The following SMOX variants were observed in gnomAD, a reference collection of about 807,000 sequenced individuals.
SMOX encodes the protein spermine oxidase, also known as flavin containing amine oxidase.
A neutral mutation model predicts 51.0 loss-of-function variants in SMOX; 22 were observed. The observed-to-expected ratio is 0.43, with a 90% CI of 0.31 to 0.62. The LOEUF (loss-of-function observed/expected upper bound fraction) is 0.62, where lower values mean the gene tolerates loss of function less well. Ranked by LOEUF, SMOX falls within the 20% of genes least tolerant of loss-of-function variation. SMOX has a pLI of 0.10. For missense variants in SMOX, 566 were observed against 777.7 expected (o/e 0.73, Z 3.24); for synonymous variants, 282 against 307.8 (o/e 0.92, Z 0.88).
At chr20:4,151,554 T>C (rs1268773490) in intron 1 of SMOX, among the ~76,000 whole-genome samples, 1 of 152,148 alleles carries the variant, frequency 6.6e-6, no homozygotes, top group Non-Finnish European at 1.5e-5. Flanking sequence ...TTCTGCCCTT[T>C]GGACAACCTA....
In SMOX at chr20:4,172,548, C is replaced by G. The variant is rs1012111059; in HGVS notation, c.-26-2482C>G. Among the ~76,000 whole-genome samples, 3 of 152,036 alleles carry G rather than the reference C, an allele frequency of 2.0e-5. No homozygotes were observed. Among genetic ancestry groups the G allele is most frequent in the Non-Finnish European group, 4.4e-5 (3 of 67,992 alleles). On this transcript the variant is annotated intron_variant, in intron 1 of 6. Transcript: ENST00000305958. The surrounding 1 kb of genome is among the most constrained non-coding windows in gnomAD (Gnocchi z 7.7). The stretch of plus-strand genomic sequence containing the variant: ...GGCGAGGGAGGAGAGGGACGGGAGT[C>G]AGAGGACAGAGGCGGGGAGGAGGAA...
In SMOX at chr20:4,182,318, C is replaced by G. The variant is rs766443432; in HGVS notation, c.839C>G (p.Pro280Arg). 1 of 1,598,972 alleles carries G rather than the reference C, an allele frequency of 6.3e-7. No individual in the cohort carries two copies. The highest frequency in any genetic ancestry group is 1.1e-5 in the South Asian group (1 of 89,920). The change falls in exon 5 of 7, where the codon CCC (proline) becomes CGC (arginine). Residue 280 changes from proline to arginine, a missense_variant. This residue lies in a region of SMOX where 347 missense variants were observed against 481.8 expected (regional missense o/e 0.72). Transcript: ENST00000305958. This position sits in a 1 kb window ranked among gnomAD's most constrained non-coding sequence, Gnocchi z 8.4. ...SARPRGPEIEPRGEGDHNHDT... is the reference protein window; with the variant it reads ...SARPRGPEIERRGEGDHNHDT... ...CGCCCCAGAGGCCCTGAGATTGAGC[C>G]CCGGGGTGAGGGCGACCACAATCAC... is the stretch of plus-strand genomic sequence containing the variant.
chr20:4,158,130 G>C (rs535923924), intron 1 of SMOX, among the ~76,000 whole-genome samples: 2 of 150,894 alleles, frequency 1.3e-5, no homozygotes, highest in Non-Finnish European at 3.0e-5. Context: ...TCGATCTCCT[G>C]ACCTCGTGAT....
chr20:4,171,189 C>G (rs1471031941), intron 1 of SMOX, among the ~76,000 whole-genome samples: 1 of 152,190 alleles, frequency 6.6e-6, no homozygotes. Context: ...TTCTTTCTTT[C>G]TTTCCCCAAG....
In SMOX at chr20:4,177,890, C is replaced by A. The variant is rs530390455; in HGVS notation, c.435+313C>A. ...ATTTTGTCTTTTTTTCCTTTCTAGT[C>A]ATTAGACCAGCATTTATCCAATAGA... On this transcript the variant is annotated intron_variant, in intron 3 of 6. Transcript: ENST00000305958. The surrounding 1 kb of genome is among the most constrained non-coding windows in gnomAD (Gnocchi z 4.3). Among the ~76,000 whole-genome samples, 1 of 152,136 alleles carries A rather than the reference C, an allele frequency of 6.6e-6. No individual in the cohort carries two copies. Among genetic ancestry groups the A allele is most frequent in the East Asian group, 1.9e-4 (1 of 5,182 alleles).
chr20:4,154,429 G>A (rs1028690348), intron 1 of SMOX, among the ~76,000 whole-genome samples: 1 of 151,212 alleles, frequency 6.6e-6, no homozygotes, highest in Admixed American at 6.6e-5. Context: ...AAGCTGGAGT[G>A]CAGTGACAGG....
chr20:4,163,901 A>C (rs1424093728), intron 1 of SMOX, among the ~76,000 whole-genome samples: 1 of 152,178 alleles, frequency 6.6e-6, no homozygotes, highest in Non-Finnish European at 1.5e-5. Context: ...GTAACATTCC[A>C]TCATTTCTGC....
In SMOX at chr20:4,166,873, T is replaced by C. The variant is rs1312600938; in HGVS notation, c.-26-8157T>C. On this transcript the variant is annotated intron_variant, in intron 1 of 6. Coordinates refer to ENST00000305958, the MANE Select transcript of SMOX (RefSeq NM_175839.3). This position sits in a 1 kb window ranked among gnomAD's most constrained non-coding sequence, Gnocchi z 4.2. ...TCATCTGAAATTCGCTTACAAAGCCTTTTTAAAGTTGTGCTTTTAGGGACT... is the reference window on the plus strand; with the variant it reads ...TCATCTGAAATTCGCTTACAAAGCCCTTTTAAAGTTGTGCTTTTAGGGACT... Among the ~76,000 whole-genome samples, 2 of 152,234 alleles carry C rather than the reference T, an allele frequency of 1.3e-5. No homozygotes were observed. Among genetic ancestry groups the C allele is most frequent in the African/African-American group, 4.8e-5 (2 of 41,466 alleles).
intron 3 of SMOX, among the ~76,000 whole-genome samples, chr20:4,180,913 C>G: frequency 1.3e-5 from 2 of 152,230 alleles, no homozygotes; most frequent in Middle Eastern, 6.8e-3. Context: ...GGGACTGTTT[C>G]GCCCACATTA....
chr20:4,172,514 C>T lies in SMOX; in HGVS notation c.-26-2516C>T, dbSNP rs1340845336. ...CTCTCGGGAGGGAGGCAGGACCTAG[C>T]ATCTCTGGGGCGAGGGAGGAGAGGG... On this transcript the variant is annotated intron_variant, in intron 1 of 6. Coordinates refer to ENST00000305958, the MANE Select transcript of SMOX (RefSeq NM_175839.3). The surrounding 1 kb of genome is among the most constrained non-coding windows in gnomAD (Gnocchi z 7.7). Among the ~76,000 whole-genome samples, 2 of 152,022 alleles carry T rather than the reference C, an allele frequency of 1.3e-5. No homozygotes were observed. Among genetic ancestry groups the T allele is most frequent in the Admixed American group, 1.3e-4 (2 of 15,276 alleles).
intron 1 of SMOX, among the ~76,000 whole-genome samples, chr20:4,155,780 C>T (rs6037776): frequency 0.13 from 20,142 of 151,914 alleles, 2,392 homozygotes; most frequent in East Asian, 0.33. Context: ...GGTTGAGTCC[C>T]CCCAGTTGCT....
At chr20:4,161,324 T>C (rs755653640) in intron 1 of SMOX, among the ~76,000 whole-genome samples, 6 of 152,156 alleles carry the variant, frequency 3.9e-5, no homozygotes, top group Non-Finnish European at 8.8e-5. Flanking sequence ...GGCCCTGTGA[T>C]GGCAGGCGGC....
At chr20:4,150,839 TTTTTTC>T (rs1484514166) in intron 1 of SMOX, among the ~76,000 whole-genome samples, 37 of 129,740 alleles carry the variant, frequency 2.9e-4, no homozygotes, top group East Asian at 1.4e-3. Flanking sequence ...TTTTTTTTTT[TTTTTTC>T]TTTGAGACGG....
chr20:4,175,140 G>C lies in SMOX; in HGVS notation c.85G>C (p.Val29Leu). The C allele has an allele frequency of 6.2e-7, 1 of 1,614,254 alleles. No homozygotes were observed. The highest frequency in any genetic ancestry group is 8.5e-7 in the Non-Finnish European group (1 of 1,180,054). Residue 29 changes from valine (V) to leucine (L), a missense_variant, in exon 2 of 7, where the codon GTG becomes CTG. Coordinates refer to ENST00000305958, the MANE Select transcript of SMOX (RefSeq NM_175839.3). Reference sequence around the variant, plus strand: ...GAGAAGGGGACAGCCTCGTGTGGTGGTGATCGGCGCCGGCTTGGCTGGCCT... The same window carrying C: ...GAGAAGGGGACAGCCTCGTGTGGTGCTGATCGGCGCCGGCTTGGCTGGCCT... ...LRRRGQPRVV[V>L]IGAGLAGLAA...
rs1277873557 is a variant in SMOX, at chr20:4,166,892, A to G, written c.-26-8138A>G. On this transcript the variant is annotated intron_variant, in intron 1 of 6. Coordinates refer to ENST00000305958, the MANE Select transcript of SMOX (RefSeq NM_175839.3). This position sits in a 1 kb window ranked among gnomAD's most constrained non-coding sequence, Gnocchi z 4.2. Reference sequence around the variant, plus strand: ...AAAGCCTTTTTAAAGTTGTGCTTTTAGGGACTTTATGATTTTAGGGAAGAA... The same window carrying G: ...AAAGCCTTTTTAAAGTTGTGCTTTTGGGGACTTTATGATTTTAGGGAAGAA... Among the ~76,000 whole-genome samples, 2 of 152,216 alleles carry G rather than the reference A, an allele frequency of 1.3e-5. No homozygotes were observed. The highest frequency in any genetic ancestry group is 2.4e-5 in the African/African-American group (1 of 41,466).
At position 4,170,688 on chromosome 20, in the gene SMOX, A is replaced by T. The variant is rs1030629566; in HGVS notation, c.-26-4342A>T. ...TGACCTCTGAGTCTTTATTCTATTCATCCGTCTTTGGCAACCCTGCCACAG... is the reference window on the plus strand; with the variant it reads ...TGACCTCTGAGTCTTTATTCTATTCTTCCGTCTTTGGCAACCCTGCCACAG... On this transcript the variant is annotated intron_variant, in intron 1 of 6. Coordinates refer to ENST00000305958, the MANE Select transcript of SMOX (RefSeq NM_175839.3). The surrounding 1 kb of genome is among the most constrained non-coding windows in gnomAD (Gnocchi z 4.6). 2.0e-5 allele frequency among the ~76,000 whole-genome samples: 3 copies of T among 152,032 alleles called. No individual in the cohort carries two copies. The highest frequency in any genetic ancestry group is 7.2e-5 in the African/African-American group (3 of 41,380).
chr20:4,182,926 G>C lies in SMOX; in HGVS notation c.1369+78G>C. The C allele has an allele frequency of 6.7e-7, 1 of 1,503,620 alleles. No individual in the cohort carries two copies. The highest frequency in any genetic ancestry group is 8.9e-7 in the Non-Finnish European group (1 of 1,128,614). The allele number at this position is 1,503,620 out of a possible 1,614,324, so 93.1% of individuals were successfully genotyped here. A position where few individuals can be genotyped will look rare whatever the true frequency, so the allele number is the denominator to read the frequency against. ...GCCCTCCTCTGGTGGACCCATGGCA[G>C]CTCTCTCCTCCCCAGACCGTGAAGC... is the stretch of plus-strand genomic sequence containing the variant. On this transcript the variant is annotated intron_variant, in intron 5 of 6. Transcript: ENST00000305958. The surrounding 1 kb of genome is among the most constrained non-coding windows in gnomAD (Gnocchi z 8.4).
chr20:4,151,415 C>T (rs1219501039), intron 1 of SMOX, among the ~76,000 whole-genome samples: 1 of 152,190 alleles, frequency 6.6e-6, no homozygotes, highest in East Asian at 1.9e-4. Flanking sequence ...CTCTATCACA[C>T]TTGATTAAAA....
rs1985843094 is a variant in SMOX, at chr20:4,153,106, T to G, written c.-27+4129T>G. ...AGGTAGAAGGGGTCCTCGCTTGGAG[T>G]GGGTGACCGAATTTTTCTGCTTCAT... On this transcript the variant is annotated intron_variant, in intron 1 of 6. Coordinates refer to ENST00000305958, the MANE Select transcript of SMOX (RefSeq NM_175839.3). This position sits in a 1 kb window ranked among gnomAD's most constrained non-coding sequence, Gnocchi z 4.4. Among the ~76,000 whole-genome samples the G allele has an allele frequency of 6.6e-6, 1 of 151,968 alleles. No individual in the cohort carries two copies. Among genetic ancestry groups the G allele is most frequent in the African/African-American group, 2.4e-5 (1 of 41,358 alleles).
Sources: gnomAD v4.1 joint callset for allele counts (sites outside exome capture counted in the v4.1 genomes callset) on GRCh38, gnomAD v4.1.1 for gene constraint, gnomAD v4.1.1 regional missense constraint, Gnocchi (gnomAD v3.1) non-coding constraint, MANE v1.5 for transcripts, NCBI Gene and HGNC (gene_info 2026-07-23, HGNC 2026-07-21) for gene names.